Variants in SPAST observed in about 807,000 individuals in gnomAD.
The protein encoded by SPAST is spastic paraplegia 4 (autosomal dominant; spastin).
In SPAST, 30 loss-of-function variants were observed where a neutral mutation model predicts 76.6. That is an observed-to-expected ratio of 0.39 (90% CI 0.29 to 0.53). The LOEUF is 0.53. Ranked by LOEUF, SPAST falls within the 20% of genes least tolerant of loss-of-function variation. The pLI is 0.68. For synonymous variants in SPAST, 305 were observed against 281.0 expected (o/e 1.09, Z -0.86); for missense variants, 717 against 770.5 (o/e 0.93, Z 0.82).
In SPAST at chr2:32,105,177, C is replaced by G. The variant is rs186294974; in HGVS notation, c.682+6286C>G. On this transcript the variant is annotated intron_variant, in intron 4 of 16. Transcript: ENST00000315285. ...CTTTTACTCTTTTTTCTCTAAACTT[C>G]TCTTCTGGCTTCATTTCATTCATTT... 1.1e-3 allele frequency among the ~76,000 whole-genome samples: 167 copies of G among 152,234 alleles called. 2 individuals carry two copies. Among genetic ancestry groups the G allele is most frequent in the African/African-American group, 3.9e-3 (163 of 41,536 alleles).
chr2:32,068,202 T>C (rs1406274974), intron 1 of SPAST, among the ~76,000 whole-genome samples: 1 of 151,944 alleles, frequency 6.6e-6, no homozygotes, highest in African/African-American at 2.4e-5. Flanking sequence ...ATGGTCTCGA[T>C]CTCCTGACCT....
chr2:32,082,350 C>T (rs559190701), intron 1 of SPAST, among the ~76,000 whole-genome samples: 2 of 151,966 alleles, frequency 1.3e-5, no homozygotes, highest in African/African-American at 4.8e-5. Flanking sequence ...TGTTATAATC[C>T]AAGCCCAAAT....
chr2:32,083,346 A>T (rs1419907877), intron 1 of SPAST, among the ~76,000 whole-genome samples: 4 of 152,232 alleles, frequency 2.6e-5, no homozygotes, highest in African/African-American at 9.6e-5. Flanking sequence ...ATGTAGAAGA[A>T]GAGATTGTTG....
At chr2:32,133,047 A>AG (rs1449644465) in intron 9 of SPAST, among the ~76,000 whole-genome samples, 2 of 41,954 alleles carry the variant, frequency 4.8e-5, no homozygotes, top group Admixed American at 2.6e-4. Context: ...ACTCCATCTC[A>AG]AAAAAAAAAA....
Position 32,144,994 on chromosome 2 carries a change from G to A in SPAST, c.1674G>A (p.Leu558=). 6.2e-7 allele frequency: 1 copy of A among 1,611,160 alleles called. No individual in the cohort carries two copies. Among genetic ancestry groups the A allele is most frequent in the Non-Finnish European group, 8.5e-7 (1 of 1,177,804 alleles). ...CAGCTTTGGCAAAAGATGCAGCACT[G>A]GGTCCTATCCGAGGTAGGTATACAA... ...DLTALAKDAA[L]GPIRELKPEQ... is the part of the protein sequence containing the mutation. The change falls in exon 15 of 17, where the codon CTG becomes CTA. Residue 558 remains leucine (L), a synonymous_variant. Transcript: ENST00000315285.
chr2:32,132,610 T>C (rs1165324982), intron 9 of SPAST, among the ~76,000 whole-genome samples: 2 of 152,098 alleles, frequency 1.3e-5, no homozygotes, highest in East Asian at 3.9e-4. Flanking sequence ...CCCAGAATAG[T>C]TACTATTTTA....
At chr2:32,153,521 G>A (rs978008363) in intron 16 of SPAST, among the ~76,000 whole-genome samples, 1 of 151,494 alleles carries the variant, frequency 6.6e-6, no homozygotes, top group African/African-American at 2.4e-5. Context: ...TCACCATGTT[G>A]GCCAGGCTGG....
At position 32,154,679 on chromosome 2, in the gene SPAST, G is replaced by A; in HGVS notation, c.*183G>A. 1.6e-6 allele frequency: 1 copy of A among 631,640 alleles called. No individual in the cohort carries two copies. Among genetic ancestry groups the A allele is most frequent in the Non-Finnish European group, 2.7e-6 (1 of 368,266 alleles). 39.1% of individuals were successfully genotyped at this position (631,640 alleles called of 1,614,324 possible). A position where few individuals can be genotyped will look rare whatever the true frequency, so the allele number is the denominator to read the frequency against. On this transcript the variant is annotated 3_prime_UTR_variant, in exon 17 of 17. Transcript: ENST00000315285. ...CTTAAACAAAATATACAATGCAAAT[G>A]TAATTTTTTGTTGTTTAAGGCCTTG...
chr2:32,130,786 C>G (rs1679346922), intron 9 of SPAST, among the ~76,000 whole-genome samples: 1 of 151,686 alleles, frequency 6.6e-6, no homozygotes, highest in South Asian at 2.1e-4. Context: ...TCCAGATAGC[C>G]TCTTTCCATG....
intron 1 of SPAST, among the ~76,000 whole-genome samples, chr2:32,083,661 A>G (rs1172543733): frequency 2.2e-5 from 3 of 133,560 alleles, no homozygotes; most frequent in Non-Finnish European, 4.9e-5. Context: ...CCTACTATAT[A>G]TATATATATA....
In SPAST at chr2:32,114,652, C is replaced by T; in HGVS notation, c.697C>T (p.Pro233Ser). Reference protein sequence around the residue: ...GHLQSESGAVPKRKDPLTHTS... With the variant: ...GHLQSESGAVSKRKDPLTHTS... ...TTCCTTGTCAGAAAGTGGAGCTGTTCCAAAAAGAAAAGACCCCTTAACACA... is the reference window on the plus strand; with the variant it reads ...TTCCTTGTCAGAAAGTGGAGCTGTTTCAAAAAGAAAAGACCCCTTAACACA... The change falls in exon 5 of 17, where the codon CCA becomes TCA. Residue 233 changes from proline to serine, a missense_variant. Physicochemically the swap from Pro to Ser is moderately conservative, Grantham distance 74. This residue lies in a region of SPAST where 543 missense variants were observed against 445.2 expected (regional missense o/e 1.22). Coordinates refer to ENST00000315285, the MANE Select transcript of SPAST (RefSeq NM_014946.4). 3 of 1,613,782 alleles carry T rather than the reference C, an allele frequency of 1.9e-6. No homozygotes were observed. The highest frequency in any genetic ancestry group is 2.5e-6 in the Non-Finnish European group (3 of 1,179,844).
At chr2:32,151,248 A>G (rs926602471) in intron 16 of SPAST, among the ~76,000 whole-genome samples, 2 of 152,176 alleles carry the variant, frequency 1.3e-5, no homozygotes, top group East Asian at 1.9e-4. Context: ...TGGCTCTACT[A>G]TATACTTTCA....
chr2:32,110,126 G>GT lies in SPAST; in HGVS notation c.683-4503dup, dbSNP rs1482414176. 6.8e-4 allele frequency among the ~76,000 whole-genome samples: 76 copies of GT among 111,872 alleles called. 1 individual carries two copies. Among genetic ancestry groups the GT allele is most frequent in the East Asian group, 1.7e-3 (7 of 4,218 alleles). 73.4% of individuals were successfully genotyped at this position (111,872 alleles called of 152,430 possible). On this transcript the variant is annotated intron_variant, in intron 4 of 16. Transcript: ENST00000315285. ...TTTGTTTTTTTTTTTTGTTTTTTTT[G>GT]TTTTTTTTTGGAGATGGAGTCTTGC...
chr2:32,072,571 C>T (rs1000427192), intron 1 of SPAST, among the ~76,000 whole-genome samples: 1 of 152,042 alleles, frequency 6.6e-6, no homozygotes, highest in Non-Finnish European at 1.5e-5. Flanking sequence ...TTTGGAATGC[C>T]TTTGGCAAGG....
intron 1 of SPAST, among the ~76,000 whole-genome samples, chr2:32,071,559 G>A (rs1349772228): frequency 1.3e-5 from 2 of 152,176 alleles, no homozygotes; most frequent in African/African-American, 4.8e-5. Flanking sequence ...GTCCAAGGTG[G>A]TCAGGCTATA....
chr2:32,121,924 G>A (rs963588816), intron 7 of SPAST, among the ~76,000 whole-genome samples: 7 of 152,100 alleles, frequency 4.6e-5, no homozygotes, highest in African/African-American at 4.8e-5. Flanking sequence ...TTTATTATCT[G>A]TTTCTTCAAG....
At chr2:32,091,033 G>C (rs972465763) in intron 3 of SPAST, among the ~76,000 whole-genome samples, 1 of 151,698 alleles carries the variant, frequency 6.6e-6, no homozygotes, top group Non-Finnish European at 1.5e-5. Context: ...CTGTTTGATG[G>C]CGTAGGTTTT....
At chr2:32,089,206 T>TA (rs1677613019) in intron 2 of SPAST, among the ~76,000 whole-genome samples, 1 of 140,722 alleles carries the variant, frequency 7.1e-6, no homozygotes, top group Non-Finnish European at 1.5e-5. Context: ...CTAATTTTTT[T>TA]TTTTTTTTTT....
At chr2:32,133,307 T>C (rs1415343411) in intron 9 of SPAST, among the ~76,000 whole-genome samples, 1 of 152,184 alleles carries the variant, frequency 6.6e-6, no homozygotes, top group African/African-American at 2.4e-5. Flanking sequence ...GCTCAGTGGA[T>C]TACCACAAAG....
Sources: gnomAD v4.1 joint callset for allele counts (sites outside exome capture counted in the v4.1 genomes callset) on GRCh38, gnomAD v4.1.1 for gene constraint, gnomAD v4.1.1 regional missense constraint, MANE v1.5 for transcripts, NCBI Gene and HGNC (gene_info 2026-07-23, HGNC 2026-07-21) for gene names.